Variants in GPHN observed in about 807,000 individuals in gnomAD.
GPHN encodes the protein gephyrin.
GPHN carries 17 observed loss-of-function variants against 95.5 expected under a neutral mutation model. The observed-to-expected ratio is 0.18, with a 90% confidence interval of 0.12 to 0.27. The LOEUF (loss-of-function observed/expected upper bound fraction) is 0.27. Ranked by LOEUF, GPHN falls within the 10% of genes least tolerant of loss-of-function variation. The pLI is 1.00. For missense variants in GPHN, 660 were observed against 978.1 expected, an observed-to-expected ratio of 0.67 and a Z score of 4.34; for synonymous variants, 320 against 322.5, an observed-to-expected ratio of 0.99 and a Z score of 0.08.
chr14:66,681,416 G>A (rs887961889), intron 2 of GPHN, among the ~76,000 whole-genome samples: 2 of 152,144 alleles, frequency 1.3e-5, no homozygotes, highest in Non-Finnish European at 2.9e-5. Context: ...CCTGATGGCT[G>A]ATGATATCTT....
the GPHN span, chr14:67,642,411 G>A: frequency 6.3e-7 from 1 of 1,590,224 alleles, no homozygotes; most frequent in Admixed American, 1.7e-5. Context: ...CATGGTGCTT[G>A]GGGCTCATAA....
chr14:66,798,598 C>G (rs1380042975), intron 3 of GPHN, among the ~76,000 whole-genome samples: 1 of 151,718 alleles, frequency 6.6e-6, no homozygotes, highest in East Asian at 1.9e-4. Flanking sequence ...TATTGGGATA[C>G]AGTTGCTAAT....
intron 18 of GPHN, among the ~76,000 whole-genome samples, chr14:67,152,127 T>A (rs1209161814): frequency 3.3e-5 from 5 of 152,210 alleles, no homozygotes; most frequent in Non-Finnish European, 5.9e-5. Context: ...TGTACCTCGT[T>A]TTTGTAAATA....
chr14:66,530,297 G>T (rs972036439), intron 1 of GPHN, among the ~76,000 whole-genome samples: 8 of 152,220 alleles, frequency 5.3e-5, no homozygotes, highest in Admixed American at 3.9e-4. Context: ...GTCCCTCCTT[G>T]CACCAAGCTG....
At chr14:66,610,979 C>T (rs944941639) in intron 1 of GPHN, among the ~76,000 whole-genome samples, 5 of 152,100 alleles carry the variant, frequency 3.3e-5, no homozygotes, top group Non-Finnish European at 5.9e-5. Context: ...TTTTGCTGTA[C>T]TGACTTAGCA....
At chr14:67,096,052 G>C (rs7157394) in intron 12 of GPHN, among the ~76,000 whole-genome samples, 49,275 of 149,102 alleles carry the variant, frequency 0.33, 13,052 homozygotes, top group African/African-American at 0.72. Flanking sequence ...ACAAGATCTC[G>C]AGATGATTTG....
At chr14:67,198,071 T>G in the GPHN span, 1 of 1,490,704 alleles carries the variant, frequency 6.7e-7, no homozygotes, top group Non-Finnish European at 9.0e-7. Flanking sequence ...AATAAATAAA[T>G]GAAGCAACTT....
the GPHN span, among the ~76,000 whole-genome samples, chr14:67,716,146 G>T: frequency 6.7e-6 from 1 of 150,284 alleles, no homozygotes; most frequent in Admixed American, 6.7e-5. Flanking sequence ...GCAGTGGGCC[G>T]AGATCACGCC....
At chr14:66,883,771 A>G (rs1228150109) in intron 5 of GPHN, among the ~76,000 whole-genome samples, 1 of 152,076 alleles carries the variant, frequency 6.6e-6, no homozygotes, top group Non-Finnish European at 1.5e-5. Flanking sequence ...TACATGAATG[A>G]TTTAGGAGTT....
At chr14:67,037,074 A>C (rs188785875) in intron 10 of GPHN, among the ~76,000 whole-genome samples, 1 of 152,180 alleles carries the variant, frequency 6.6e-6, no homozygotes, top group East Asian at 1.9e-4. Context: ...TGGAACTGGC[A>C]TAAAGACAGA....
intron 10 of GPHN, among the ~76,000 whole-genome samples, chr14:67,044,194 A>G (rs1218428628): frequency 5.3e-5 from 8 of 152,044 alleles, no homozygotes; most frequent in Non-Finnish European, 1.2e-4. Context: ...ACAATTAGCC[A>G]GGCATGGTGA....
At chr14:67,587,677 G>A in the GPHN span, 184,766 of 186,024 alleles carry the variant, frequency 0.99, 91,767 homozygotes, top group Middle Eastern at 1. Flanking sequence ...CCTTCGGAGT[G>A]GCTGGGATTA....
intron 9 of GPHN, among the ~76,000 whole-genome samples, chr14:66,986,919 C>G (rs1334630007): frequency 1.3e-5 from 2 of 152,152 alleles, no homozygotes; most frequent in African/African-American, 2.4e-5. Flanking sequence ...TGTGTGTGCG[C>G]ACGCACATGA....
At chr14:66,759,877 A>G (rs117347283) in intron 2 of GPHN, among the ~76,000 whole-genome samples, 1,831 of 152,324 alleles carry the variant, frequency 0.012, 19 homozygotes, top group Non-Finnish European at 0.018. Context: ...TCAAATATTG[A>G]AAATTTAAAT....
intron 2 of GPHN, among the ~76,000 whole-genome samples, chr14:66,752,658 T>C (rs997845935): frequency 6.6e-6 from 1 of 152,066 alleles, no homozygotes; most frequent in Admixed American, 6.6e-5. Flanking sequence ...AGACATGATA[T>C]TAATGAAAAA....
chr14:67,323,735 C>T, the GPHN span: 1 of 1,595,898 alleles, frequency 6.3e-7, no homozygotes. Flanking sequence ...AGATTTGAAA[C>T]CATATATTAT....
At chr14:66,867,941 G>A (rs965032551) in intron 4 of GPHN, among the ~76,000 whole-genome samples, 12 of 152,160 alleles carry the variant, frequency 7.9e-5, no homozygotes, top group African/African-American at 2.6e-4. Flanking sequence ...TTTTCACCTG[G>A]AAACTTGTTA....
chr14:66,989,431 G>A (rs2153602650), intron 9 of GPHN, among the ~76,000 whole-genome samples: 1 of 151,710 alleles, frequency 6.6e-6, no homozygotes, highest in East Asian at 1.9e-4. Flanking sequence ...ATTTCTGTAT[G>A]GTAATAAGTT....
intron 1 of GPHN, among the ~76,000 whole-genome samples, chr14:66,530,952 G>A (rs1470809293): frequency 8.5e-6 from 1 of 118,122 alleles, no homozygotes; most frequent in African/African-American, 4.5e-5. Context: ...TTGTTTGTTA[G>A]ATTTTTTTTT....
Sources: gnomAD v4.1 joint callset for allele counts (sites outside exome capture counted in the v4.1 genomes callset) on GRCh38, gnomAD v4.1.1 for gene constraint, MANE v1.5 for transcripts, NCBI Gene and HGNC (gene_info 2026-07-23, HGNC 2026-07-21) for gene names.